The following KLHL14 variants were observed in gnomAD, a reference collection of about 807,000 sequenced individuals.
KLHL14 encodes kelch-like protein 14.
A neutral mutation model predicts 64.3 loss-of-function variants in KLHL14; 22 were observed. The ratio of observed to expected loss-of-function variants is 0.34; its 90% CI spans 0.24 to 0.49. The LOEUF (loss-of-function observed/expected upper bound fraction) is 0.49. KLHL14 is among the 20% of genes least tolerant of loss of function. The pLI, the probability that KLHL14 is intolerant of heterozygous loss-of-function variation, is 0.99. For missense variants in KLHL14, 661 were observed against 789.0 expected (o/e 0.84, Z 1.94); for synonymous variants, 322 against 333.4 (o/e 0.97, Z 0.37).
chr18:32,684,485 G>T (rs1479547680), intron 5 of KLHL14, among the ~76,000 whole-genome samples: 3 of 152,128 alleles, frequency 2.0e-5, no homozygotes, highest in African/African-American at 7.2e-5. Context: ...TCTCCTATGG[G>T]CTGGTTGACC....
At chr18:32,718,924 C>G (rs1003808185) in intron 3 of KLHL14, among the ~76,000 whole-genome samples, 2 of 152,080 alleles carry the variant, frequency 1.3e-5, no homozygotes, top group African/African-American at 4.8e-5. Flanking sequence ...CTATATCATG[C>G]TATAATTTGA....
chr18:32,685,234 G>C (rs2049871253), intron 5 of KLHL14, among the ~76,000 whole-genome samples: 1 of 152,058 alleles, frequency 6.6e-6, no homozygotes, highest in Admixed American at 6.6e-5. Context: ...TAGTGCCTCA[G>C]AGGAAGTCAT....
rs1220090540 is a variant in KLHL14 at position 32,772,999 on chromosome 18, G to A, written c.-376C>T. On this transcript the variant is annotated 5_prime_UTR_variant, in exon 1 of 9. Transcript: ENST00000359358. ...CAACACATCATTATCCTTGGGCCTG[G>A]GGCTCAGTGAGTCGTAACGAGAGTA... 1 of 212,180 alleles carries A rather than the reference G, an allele frequency of 4.7e-6. No individual in the cohort carries two copies. Among genetic ancestry groups the A allele is most frequent in the Non-Finnish European group, 9.8e-6 (1 of 101,584 alleles). 13.1% of individuals were successfully genotyped at this position (212,180 alleles called of 1,614,324 possible). A position where few individuals can be genotyped will look rare whatever the true frequency, so the allele number is the denominator to read the frequency against.
intron 2 of KLHL14, among the ~76,000 whole-genome samples, chr18:32,767,392 T>C (rs780162310): frequency 4.6e-5 from 7 of 152,220 alleles, no homozygotes; most frequent in Non-Finnish European, 8.8e-5. Context: ...AAAACCTAAA[T>C]TATATTACTT....
intron 2 of KLHL14, among the ~76,000 whole-genome samples, chr18:32,762,319 G>C (rs1374526129): frequency 6.6e-6 from 1 of 151,304 alleles, no homozygotes; most frequent in African/African-American, 2.4e-5. Context: ...TTCTTGATTT[G>C]TTCTTATCTT....
intron 3 of KLHL14, among the ~76,000 whole-genome samples, chr18:32,709,316 C>T (rs1358780977): frequency 1.3e-5 from 2 of 152,180 alleles, no homozygotes; most frequent in Non-Finnish European, 2.9e-5. Flanking sequence ...TCTCATGGTT[C>T]ACTCCATCAT....
chr18:32,706,404 G>A (rs1045445095), intron 3 of KLHL14, among the ~76,000 whole-genome samples: 1 of 152,168 alleles, frequency 6.6e-6, no homozygotes, highest in Non-Finnish European at 1.5e-5. Flanking sequence ...GCAGGTCAGA[G>A]TATGTAGAAC....
At chr18:32,687,377 T>C in intron 4 of KLHL14, 144 bp from the exon 5 acceptor site, 1 of 643,516 alleles carries the variant, frequency 1.6e-6, no homozygotes, top group Non-Finnish European at 2.8e-6. Flanking sequence ...GCACGGGCGA[T>C]GAGTCAATAG....
chr18:32,769,613 C>T (rs376675173), intron 2 of KLHL14, 32 bp downstream of exon 2: 3 of 1,169,412 alleles, frequency 2.6e-6, no homozygotes, highest in East Asian at 2.6e-5. Flanking sequence ...TCTACCCCCC[C>T]CTCCCCCGCC....
intron 3 of KLHL14, among the ~76,000 whole-genome samples, chr18:32,736,932 T>C (rs2050169293): frequency 6.6e-6 from 1 of 152,086 alleles, no homozygotes; most frequent in Non-Finnish European, 1.5e-5. Context: ...TAGCACCCTG[T>C]ATTATAATTA....
intron 3 of KLHL14, chr18:32,733,918 G>A (rs1480833976): frequency 1.8e-5 from 9 of 497,820 alleles, no homozygotes; most frequent in South Asian, 8.5e-5. Context: ...ATTCCATCAC[G>A]GTGCATTATG....
chr18:32,697,468 C>T (rs567230277), intron 3 of KLHL14, among the ~76,000 whole-genome samples: 14 of 152,260 alleles, frequency 9.2e-5, no homozygotes, highest in African/African-American at 3.1e-4. Flanking sequence ...TAGAGGCCAT[C>T]GGCTACAACG....
At chr18:32,699,601 A>G (rs565005071) in intron 3 of KLHL14, among the ~76,000 whole-genome samples, 1 of 152,158 alleles carries the variant, frequency 6.6e-6, no homozygotes, top group South Asian at 2.1e-4. Flanking sequence ...CTGGACCCCA[A>G]CTCACGCTCT....
At chr18:32,769,496 A>C in intron 2 of KLHL14, 149 bp downstream of exon 2, 1 of 726,566 alleles carries the variant, frequency 1.4e-6, no homozygotes, top group South Asian at 2.2e-5. Flanking sequence ...CTTTCCTCAC[A>C]CACTCTGAAT....
At chr18:32,729,985 A>G (rs1228208230) in intron 3 of KLHL14, among the ~76,000 whole-genome samples, 3 of 152,242 alleles carry the variant, frequency 2.0e-5, no homozygotes, top group African/African-American at 7.2e-5. Context: ...TTGATACTTC[A>G]ACAGCTGCAT....
chr18:32,758,259 C>G (rs1011468736), intron 2 of KLHL14, among the ~76,000 whole-genome samples: 8 of 152,072 alleles, frequency 5.3e-5, no homozygotes, highest in Non-Finnish European at 8.8e-5. Context: ...GTATCTGGAA[C>G]TATAAGCATG....
At position 32,680,214 on chromosome 18, in the gene KLHL14, C is replaced by T. The variant is rs781612051; in HGVS notation, c.1543G>A (p.Val515Ile). The T allele has an allele frequency of 1.2e-5, 20 of 1,613,688 alleles. No individual in the cohort carries two copies. In the East Asian group the frequency reaches 2.7e-4, roughly 22 times the overall value. Residue 515 changes from valine (V) to isoleucine (I), a missense_variant, in exon 7 of 9, where the codon GTA becomes ATA. By Grantham distance (29) the Val-to-Ile change is conservative (BLOSUM62 3). This residue lies in a region of KLHL14 where 330 missense variants were observed against 450.0 expected (regional missense o/e 0.73). Transcript: ENST00000359358. The surrounding 1 kb of genome is among the most constrained non-coding windows in gnomAD (Gnocchi z 4.8). ...ATTGCATACAAGCGATCATTCATTA[C>T]AGCCAAAGTGTGAATTGCACGTTTT... ...NTKRAIHTLA[V>I]MNDRLYAIGG... is the part of the protein sequence containing the mutation.
At chr18:32,707,743 G>C (rs1598557513) in intron 3 of KLHL14, among the ~76,000 whole-genome samples, 1 of 152,202 alleles carries the variant, frequency 6.6e-6, no homozygotes, top group Non-Finnish European at 1.5e-5. Flanking sequence ...GACTCCACAG[G>C]AGCAGCACTC....
chr18:32,695,684 G>A (rs923251592), intron 3 of KLHL14, 132 bp from the exon 4 acceptor site: 10 of 642,588 alleles, frequency 1.6e-5, no homozygotes, highest in Non-Finnish European at 2.4e-5. Flanking sequence ...GATTGAACAG[G>A]TGGCCAAGCC....
Sources: gnomAD v4.1 joint callset for allele counts (sites outside exome capture counted in the v4.1 genomes callset) on GRCh38, gnomAD v4.1.1 for gene constraint, gnomAD v4.1.1 regional missense constraint, Gnocchi (gnomAD v3.1) non-coding constraint, MANE v1.5 for transcripts, NCBI Gene and HGNC (gene_info 2026-07-23, HGNC 2026-07-21) for gene names.